MANEA: variants seen among roughly 807,000 people sequenced by gnomAD.
MANEA encodes the protein mannosidase endo-alpha.
MANEA carries 25 observed loss-of-function variants against 36.8 expected under a neutral mutation model. The ratio of observed to expected loss-of-function variants is 0.68; its 90% CI spans 0.50 to 0.95. MANEA has a LOEUF of 0.95. MANEA is among the 40% of genes least tolerant of loss of function. The pLI is 0.00. For missense variants in MANEA, 565 were observed against 558.8 expected (o/e 1.01, Z -0.11); for synonymous variants, 198 against 188.5 (o/e 1.05, Z -0.41).
Position 95,604,845 on chromosome 6 carries a change from C to A in MANEA, c.673C>A (p.Pro225Thr), listed in dbSNP as rs1047671483. The A allele has an allele frequency of 2.7e-6, 4 of 1,475,644 alleles. No homozygotes were observed. Among genetic ancestry groups the A allele is most frequent in the Non-Finnish European group, 3.7e-6 (4 of 1,089,980 alleles). The allele number at this position is 1,475,644 out of a possible 1,614,324, so 91.4% of individuals were successfully genotyped here. Residue 225 changes from proline (P) to threonine (T), a missense_variant, in exon 4 of 5, where the codon CCA becomes ACA. Coordinates refer to ENST00000358812, the MANE Select transcript of MANEA (RefSeq NM_024641.4). ...YNLKVTFHIE[P>T]YSNRDDQNMY... ...GTTTTAGGTTACTTTTCACATAGAA[C>A]CATATAGCAATCGAGATGATCAAAA... is the stretch of plus-strand genomic sequence containing the variant.
intron 1 of MANEA, among the ~76,000 whole-genome samples, chr6:95,583,268 A>T (rs978566380): frequency 1.3e-5 from 2 of 152,120 alleles, no homozygotes; most frequent in South Asian, 4.1e-4. Flanking sequence ...GTCAGAAAAG[A>T]TTTAGTAATT....
rs773309539 is a variant in MANEA, at chr6:95,606,228, G to T, written c.1212G>T (p.Glu404Asp). 1 of 1,613,806 alleles carries T rather than the reference G, an allele frequency of 6.2e-7. No homozygotes were observed. The highest frequency in any genetic ancestry group is 1.3e-5 in the African/African-American group (1 of 74,842). ...TAATTTCTATCACCTCTTTTAATGA[G>T]TGGCATGAAGGAACTCAGATTGAAA... The part of the protein sequence containing the change: ...PSLISITSFN[E>D]WHEGTQIEKA... Residue 404 changes from glutamate to aspartate, a missense_variant, in exon 5 of 5, where the codon GAG (glutamate) becomes GAT (aspartate). By Grantham distance (45) the Glu-to-Asp change is conservative. Transcript: ENST00000358812.
rs747893406 is a variant in MANEA, at chr6:95,586,632, G to A, written c.193G>A (p.Asp65Asn). Residue 65 changes from aspartate (D) to asparagine (N), a missense_variant, in exon 2 of 5, where the codon GAC becomes AAC. Physicochemically the swap from Asp to Asn is conservative, Grantham distance 23. Coordinates refer to ENST00000358812, the MANE Select transcript of MANEA (RefSeq NM_024641.4). ...GAAAAATTTTGATTTCCAAAAGAGT[G>A]ACAGAATCAACAGTGAAACAAATAC... ...LGKNFDFQKS[D>N]RINSETNTKN... 6.2e-7 allele frequency: 1 copy of A among 1,613,938 alleles called. No individual in the cohort carries two copies. The highest frequency in any genetic ancestry group is 1.3e-5 in the African/African-American group (1 of 75,030).
chr6:95,583,184 C>G (rs1486620486), intron 1 of MANEA, among the ~76,000 whole-genome samples: 1 of 152,026 alleles, frequency 6.6e-6, no homozygotes, highest in Non-Finnish European at 1.5e-5. Flanking sequence ...ATTTACATAG[C>G]TTTTTATTAG....
rs563267629 is a variant in MANEA at position 95,604,169 on chromosome 6, A to C, written c.655-658A>C. Among the ~76,000 whole-genome samples, 74 of 150,844 alleles carry C rather than the reference A, an allele frequency of 4.9e-4. 2 individuals carry two copies. Among genetic ancestry groups the C allele is most frequent in the Non-Finnish European group, 8.9e-4 (60 of 67,680 alleles). On this transcript the variant is annotated intron_variant, in intron 3 of 4. Coordinates refer to ENST00000358812, the MANE Select transcript of MANEA (RefSeq NM_024641.4). Reference sequence around the variant, plus strand: ...TATAACACTAGTGGATATTATTTTTAAGCGATTTCATTATAAATTCTTTAA... The same window carrying C: ...TATAACACTAGTGGATATTATTTTTCAGCGATTTCATTATAAATTCTTTAA...
intron 1 of MANEA, among the ~76,000 whole-genome samples, chr6:95,582,977 T>A (rs779728986): frequency 6.6e-6 from 1 of 152,144 alleles, no homozygotes; most frequent in Non-Finnish European, 1.5e-5. Context: ...CTAATGGCCA[T>A]ACTTATTTAT....
Position 95,606,178 on chromosome 6 carries a change from GC to G in MANEA, c.1164del (p.Ala389HisfsTer8). ...NGKYYEIGLSAALQTRPSLIS... is the reference protein window; with the variant it reads ...NGKYYEIGLSXALQTRPSLIS... ...GAAGTATTATGAAATTGGTCTGAGT[GC>G]CGCACTTCAGACACGCCCCAGCTTA... On this transcript the variant is annotated frameshift_variant, in exon 5 of 5. Coordinates refer to ENST00000358812, the MANE Select transcript of MANEA (RefSeq NM_024641.4). LOFTEE classifies it high-confidence loss of function. 6.2e-7 allele frequency: 1 copy of G among 1,614,032 alleles called. No homozygotes were observed. Among genetic ancestry groups the G allele is most frequent in the Non-Finnish European group, 8.5e-7 (1 of 1,179,968 alleles).
chr6:95,580,459 C>T (rs1474724757), intron 1 of MANEA, among the ~76,000 whole-genome samples: 1 of 152,080 alleles, frequency 6.6e-6, no homozygotes, highest in African/African-American at 2.4e-5. Context: ...GGCACGGTGG[C>T]TCACACCTGT....
chr6:95,578,121 C>T (rs567079968), intron 1 of MANEA, among the ~76,000 whole-genome samples: 270 of 152,286 alleles, frequency 1.8e-3, no homozygotes, highest in Middle Eastern at 0.014. Context: ...GGAAAGGTAG[C>T]TGTCGCCTCT....
At chr6:95,582,839 A>G (rs1268093295) in intron 1 of MANEA, among the ~76,000 whole-genome samples, 1 of 152,118 alleles carries the variant, frequency 6.6e-6, no homozygotes, top group Non-Finnish European at 1.5e-5. Flanking sequence ...GTGTGTATTT[A>G]TGTATATGTG....
At chr6:95,580,828 C>A (rs902431773) in intron 1 of MANEA, among the ~76,000 whole-genome samples, 2 of 151,654 alleles carry the variant, frequency 1.3e-5, no homozygotes, top group African/African-American at 4.8e-5. Flanking sequence ...GGAGAGGTAT[C>A]AAGAAGAGGC....
At chr6:95,583,545 C>A in intron 1 of MANEA, among the ~76,000 whole-genome samples, 1 of 151,666 alleles carries the variant, frequency 6.6e-6, no homozygotes, top group East Asian at 1.9e-4. Flanking sequence ...GTACACACAC[C>A]ATATTTACTT....
At chr6:95,584,826 C>T (rs1307229855) in intron 1 of MANEA, among the ~76,000 whole-genome samples, 2 of 152,110 alleles carry the variant, frequency 1.3e-5, no homozygotes, top group East Asian at 3.9e-4. Flanking sequence ...TTTGTACTCT[C>T]TCTCTTATTT....
chr6:95,580,478 C>T (rs966758746), intron 1 of MANEA, among the ~76,000 whole-genome samples: 10 of 152,052 alleles, frequency 6.6e-5, no homozygotes, highest in African/African-American at 1.7e-4. Context: ...GTAATCCCAG[C>T]ACTTTGGGAG....
chr6:95,578,980 G>A (rs1211583213), intron 1 of MANEA, among the ~76,000 whole-genome samples: 1 of 152,180 alleles, frequency 6.6e-6, no homozygotes, highest in African/African-American at 2.4e-5. Context: ...CTTGCTAGGT[G>A]ATTAACCTTA....
chr6:95,581,038 A>C (rs1251991448), intron 1 of MANEA, among the ~76,000 whole-genome samples: 1 of 152,192 alleles, frequency 6.6e-6, no homozygotes, highest in African/African-American at 2.4e-5. Context: ...AACTAATTTC[A>C]TCCTCACAAA....
chr6:95,596,402 T>G (rs1562198981), intron 2 of MANEA, among the ~76,000 whole-genome samples: 1 of 152,124 alleles, frequency 6.6e-6, no homozygotes, highest in Non-Finnish European at 1.5e-5. Flanking sequence ...TGAAAGATGT[T>G]AATTATAGGA....
chr6:95,581,274 C>G (rs939765015), intron 1 of MANEA, among the ~76,000 whole-genome samples: 1 of 152,178 alleles, frequency 6.6e-6, no homozygotes. Context: ...AGCAGATCAT[C>G]TCTTAAAATT....
At chr6:95,589,504 T>C (rs929248904) in intron 2 of MANEA, among the ~76,000 whole-genome samples, 21 of 152,174 alleles carry the variant, frequency 1.4e-4, no homozygotes, top group Non-Finnish European at 3.1e-4. Flanking sequence ...CAACCCTTCA[T>C]TGAAAAGAAT....
Sources: allele counts gnomAD v4.1 joint callset (sites outside exome capture counted in the v4.1 genomes callset), GRCh38; gene constraint gnomAD v4.1.1; transcripts MANE v1.5; gene names NCBI Gene and HGNC (gene_info 2026-07-23, HGNC 2026-07-21).